STAU2: variants seen among roughly 807,000 people sequenced by gnomAD.
STAU2 encodes the protein double-stranded RNA-binding protein Staufen homolog 2.
A neutral mutation model predicts 65.9 loss-of-function variants in STAU2; 20 were observed. That is an observed-to-expected ratio of 0.30 (90% CI 0.21 to 0.44). The LOEUF is 0.44. Ranked by LOEUF, STAU2 falls within the 20% of genes least tolerant of loss-of-function variation. The pLI, the probability that STAU2 is intolerant of heterozygous loss-of-function variation, is 1.00. For missense variants in STAU2, 558 were observed against 683.9 expected (o/e 0.82, Z 2.05); for synonymous variants, 232 against 233.9 (o/e 0.99, Z 0.07).
intron 5 of STAU2, among the ~76,000 whole-genome samples, 181 bp downstream of exon 5, chr8:73,688,473 G>A (rs1238648081): frequency 2.0e-5 from 3 of 148,518 alleles, no homozygotes; most frequent in Non-Finnish European, 4.4e-5. Flanking sequence ...GCCTCCTTCA[G>A]TTATTTTTAT....
intron 9 of STAU2, among the ~76,000 whole-genome samples, chr8:73,608,729 C>T (rs979860795): frequency 2.0e-5 from 3 of 151,992 alleles, no homozygotes; most frequent in East Asian, 1.9e-4. Flanking sequence ...CAGTGGCTCA[C>T]GCCTGTAATC....
chr8:73,474,332 A>G (rs763920125), intron 13 of STAU2, among the ~76,000 whole-genome samples: 10 of 152,196 alleles, frequency 6.6e-5, no homozygotes, highest in Non-Finnish European at 1.2e-4. Flanking sequence ...TAAAATGCAA[A>G]TAAAAGTTGA....
intron 13 of STAU2, among the ~76,000 whole-genome samples, chr8:73,478,034 G>GCA (rs1554595078): frequency 2.0e-4 from 29 of 142,448 alleles, no homozygotes; most frequent in Admixed American, 1.7e-3. Flanking sequence ...ATATATATAT[G>GCA]TATATATATA....
intron 13 of STAU2, among the ~76,000 whole-genome samples, chr8:73,469,519 G>T (rs1244496418): frequency 2.0e-5 from 3 of 151,102 alleles, no homozygotes; most frequent in African/African-American, 7.3e-5. Context: ...TGAGTAGAAG[G>T]ACTGAGTAAG....
intron 13 of STAU2, among the ~76,000 whole-genome samples, chr8:73,480,330 A>G (rs972044590): frequency 1.1e-4 from 16 of 152,286 alleles, no homozygotes; most frequent in South Asian, 8.3e-4. Flanking sequence ...GTGAGCTTGC[A>G]ATGAAGAGAT....
chr8:73,688,489 C>CGTGTGTGTGTGTGTGTGTGTGT (rs34713766), intron 5 of STAU2, among the ~76,000 whole-genome samples, 165 bp downstream of exon 5: 1 of 146,972 alleles, frequency 6.8e-6, no homozygotes, highest in African/African-American at 2.5e-5. Context: ...TTTATGCTAC[C>CGTGTGTGTGTGTGTGTGTGTGT]GTGTGTGTGT....
chr8:73,593,579 G>GAGTTTTTT (rs1419955884), intron 11 of STAU2, among the ~76,000 whole-genome samples: 1 of 152,180 alleles, frequency 6.6e-6, no homozygotes, highest in Admixed American at 6.5e-5. Flanking sequence ...ATTATTCTGA[G>GAGTTTTTT]TGTTTCTGCA....
intron 12 of STAU2, among the ~76,000 whole-genome samples, chr8:73,576,807 T>C (rs899531260): frequency 6.6e-6 from 1 of 152,230 alleles, no homozygotes; most frequent in African/African-American, 2.4e-5. Flanking sequence ...GCATTACCTT[T>C]ATTTTCTCCT....
intron 13 of STAU2, among the ~76,000 whole-genome samples, chr8:73,455,221 A>G (rs1002375090): frequency 9.2e-5 from 14 of 152,148 alleles, no homozygotes; most frequent in South Asian, 2.1e-4. Flanking sequence ...TGAGACTCAC[A>G]GCTATCTATC....
intron 6 of STAU2, among the ~76,000 whole-genome samples, chr8:73,664,066 T>G (rs1290578340): frequency 3.3e-5 from 5 of 152,170 alleles, no homozygotes; most frequent in Admixed American, 3.3e-4. Context: ...TCTTTGTTGT[T>G]TTTTTGAGGT....
intron 9 of STAU2, among the ~76,000 whole-genome samples, chr8:73,610,886 G>A (rs1412405070): frequency 6.6e-6 from 1 of 152,130 alleles, no homozygotes; most frequent in Non-Finnish European, 1.5e-5. Flanking sequence ...TATCAAATGG[G>A]CACTGGAGTC....
chr8:73,720,632 C>T (rs2130704938), intron 3 of STAU2, among the ~76,000 whole-genome samples: 1 of 114,058 alleles, frequency 8.8e-6, no homozygotes, highest in East Asian at 3.3e-4. Context: ...CCTGCCTCAG[C>T]CTCCCGAGTA....
chr8:73,692,760 A>G (rs901119340), intron 4 of STAU2, among the ~76,000 whole-genome samples: 1 of 152,230 alleles, frequency 6.6e-6, no homozygotes, highest in Non-Finnish European at 1.5e-5. Context: ...AACCGTGGGC[A>G]GTTAGTGTCA....
Position 73,613,823 on chromosome 8 carries a change from T to G in STAU2, c.812A>C (p.Glu271Ala), listed in dbSNP as rs773125227. The change falls in exon 9 of 15, where the codon GAG (glutamate) becomes GCG (alanine). Residue 271 changes from glutamate (E) to alanine (A), a missense_variant. By Grantham distance (107) the Glu-to-Ala change is moderately radical (BLOSUM62 -1). Coordinates refer to ENST00000524300, the MANE Select transcript of STAU2 (RefSeq NM_001164380.2). The part of the protein sequence containing the change: ...KKRAATTVLQ[E>A]LKKLPPLPVV... The stretch of plus-strand genomic sequence containing the variant: ...AGGAAGAGGTGGAAGTTTTTTAAGC[T>G]CCTGTAAGACGGTGGTCGCAGCGCG... 3.1e-6 allele frequency: 5 copies of G among 1,613,724 alleles called. No homozygotes were observed.
intron 13 of STAU2, among the ~76,000 whole-genome samples, chr8:73,474,543 C>T (rs1239054057): frequency 8.6e-6 from 1 of 116,736 alleles, no homozygotes. Flanking sequence ...CCACCACTTT[C>T]TATCTCTGAG....
chr8:73,670,599 T>C (rs1291736280), intron 6 of STAU2: 1 of 152,188 alleles, frequency 6.6e-6, no homozygotes, highest in Non-Finnish European at 1.5e-5. Context: ...CAAATTCTTC[T>C]TAGAGAACCT....
chr8:73,472,588 C>T (rs994532592), intron 13 of STAU2, among the ~76,000 whole-genome samples: 3 of 151,976 alleles, frequency 2.0e-5, no homozygotes, highest in Non-Finnish European at 2.9e-5. Flanking sequence ...CTCTTCAAGG[C>T]TTAAGTGCCA....
intron 3 of STAU2, among the ~76,000 whole-genome samples, chr8:73,730,722 G>A (rs1346098206): frequency 2.8e-5 from 3 of 107,108 alleles, no homozygotes; most frequent in African/African-American, 1.2e-4. Flanking sequence ...GCAAGACTAC[G>A]TCTTTCAAAA....
intron 12 of STAU2, among the ~76,000 whole-genome samples, chr8:73,575,553 A>C (rs1809478943): frequency 6.6e-6 from 1 of 152,188 alleles, no homozygotes; most frequent in Non-Finnish European, 1.5e-5. Context: ...TACATGGCAG[A>C]TAATAGGAAA....
Sources: allele counts gnomAD v4.1 joint callset (sites outside exome capture counted in the v4.1 genomes callset), GRCh38; gene constraint gnomAD v4.1.1; transcripts MANE v1.5; gene names NCBI Gene and HGNC (gene_info 2026-07-23, HGNC 2026-07-21).